ZC3H12D: variants seen among roughly 807,000 people sequenced by gnomAD.
ZC3H12D encodes zinc finger CCCH-type containing 12D, also known as probable ribonuclease ZC3H12D.
ZC3H12D carries 11 observed loss-of-function variants against 24.2 expected under a neutral mutation model. The observed-to-expected ratio is 0.46, with a 90% CI of 0.29 to 0.75. The LOEUF (loss-of-function observed/expected upper bound fraction) is 0.75, where lower values mean the gene tolerates loss of function less well. ZC3H12D is among the 30% of genes least tolerant of loss of function. The pLI is 0.11. For synonymous variants in ZC3H12D, 333 were observed against 341.8 expected (o/e 0.97, Z 0.28); for missense variants, 740 against 767.7 (o/e 0.96, Z 0.43).
Position 149,482,448 on chromosome 6 carries a change from G to T in ZC3H12D, c.-71+2365C>A, listed in dbSNP as rs568285094. Among the ~76,000 whole-genome samples, 3 of 152,344 alleles carry T rather than the reference G, an allele frequency of 2.0e-5. No homozygotes were observed. The East Asian group carries it at 5.8e-4, about 29-fold the overall frequency. Reference sequence around the variant, plus strand: ...AAGTCACACTCTGTCCAGATGATTAGCGACAACACTTAGAAAATCCTCCAA... The same window carrying T: ...AAGTCACACTCTGTCCAGATGATTATCGACAACACTTAGAAAATCCTCCAA... On this transcript the variant is annotated intron_variant, in intron 1 of 5. Coordinates refer to ENST00000409806, the MANE Select transcript of ZC3H12D (RefSeq NM_207360.3).
intron 2 of ZC3H12D, among the ~76,000 whole-genome samples, chr6:149,465,790 C>T (rs1182047338): frequency 6.6e-6 from 1 of 150,776 alleles, no homozygotes; most frequent in African/African-American, 2.4e-5. Flanking sequence ...GGAAGCAGAT[C>T]GCTGGTCCTT....
intron 1 of ZC3H12D, among the ~76,000 whole-genome samples, chr6:149,476,819 T>C (rs867636798): frequency 2.7e-5 from 4 of 148,886 alleles, no homozygotes; most frequent in Admixed American, 2.0e-4. Flanking sequence ...AAAAATAGAA[T>C]AGAATAGAAT....
chr6:149,463,955 A>C (rs408451), intron 2 of ZC3H12D, among the ~76,000 whole-genome samples: 55,305 of 152,022 alleles, frequency 0.36, 10,583 homozygotes, highest in African/African-American at 0.46. Context: ...TTTTAGACAC[A>C]TATTGAGCTG....
Position 149,484,608 on chromosome 6 carries a change from G to A in ZC3H12D, c.-71+205C>T, listed in dbSNP as rs151144681. Among the ~76,000 whole-genome samples, 455 of 152,294 alleles carry A rather than the reference G, an allele frequency of 3.0e-3. 2 individuals are homozygous for A. Among genetic ancestry groups the A allele is most frequent in the Middle Eastern group, 0.02 (6 of 294 alleles). On this transcript the variant is annotated intron_variant, in intron 1 of 5. Coordinates refer to ENST00000409806, the MANE Select transcript of ZC3H12D (RefSeq NM_207360.3). Reference sequence around the variant, plus strand: ...TTTCACCTAAATGAAATTAAAGAGGGTTATCTTATTTTTTTTATTTAGCAC... The same window carrying A: ...TTTCACCTAAATGAAATTAAAGAGGATTATCTTATTTTTTTTATTTAGCAC...
chr6:149,459,509 A>G, intron 3 of ZC3H12D: 1 of 704,360 alleles, frequency 1.4e-6, no homozygotes, highest in Non-Finnish European at 2.6e-6. Flanking sequence ...GAATATGCGC[A>G]GAAGGCTGGA....
intron 1 of ZC3H12D, among the ~76,000 whole-genome samples, chr6:149,476,664 G>A (rs1012367974): frequency 6.6e-6 from 1 of 151,876 alleles, no homozygotes; most frequent in Non-Finnish European, 1.5e-5. Context: ...AAAAATTAGC[G>A]GGGCATGGTG....
In ZC3H12D at chr6:149,452,023, G is replaced by A. The variant is rs1007406353; in HGVS notation, c.788-544C>T. The A allele has an allele frequency of 2.6e-5, 4 of 153,102 alleles. No homozygotes were observed. The highest frequency in any genetic ancestry group is 9.6e-5 in the African/African-American group (4 of 41,468). The allele number at this position is 153,102 out of a possible 1,614,324, so 9.5% of individuals were successfully genotyped here. On this transcript the variant is annotated intron_variant, in intron 5 of 5. Coordinates refer to ENST00000409806, the MANE Select transcript of ZC3H12D (RefSeq NM_207360.3). This position sits in a 1 kb window ranked among gnomAD's most constrained non-coding sequence, Gnocchi z 4.0. ...GTCAAGTGTTACTATCCAAACCCAA[G>A]GCTTCTGAGAGTGAAAGGGGGAAGG... is the stretch of plus-strand genomic sequence containing the variant.
chr6:149,479,499 A>G (rs1159474741), intron 1 of ZC3H12D, among the ~76,000 whole-genome samples: 2 of 152,232 alleles, frequency 1.3e-5, no homozygotes, highest in Non-Finnish European at 2.9e-5. Flanking sequence ...GATGTTATTC[A>G]GAGCAGTCAC....
intron 3 of ZC3H12D, chr6:149,459,812 C>A: frequency 1.5e-6 from 1 of 677,860 alleles, no homozygotes; most frequent in East Asian, 2.7e-5. Context: ...CCTGCCTGCT[C>A]CATGCCAGGT....
intron 1 of ZC3H12D, among the ~76,000 whole-genome samples, chr6:149,483,408 T>C (rs1776454554): frequency 6.6e-6 from 1 of 152,206 alleles, no homozygotes; most frequent in South Asian, 2.1e-4. Flanking sequence ...TTCAGACTGC[T>C]GTGCAACCAT....
intron 2 of ZC3H12D, among the ~76,000 whole-genome samples, chr6:149,463,208 G>A (rs602094): frequency 0.36 from 55,315 of 151,950 alleles, 10,593 homozygotes; most frequent in African/African-American, 0.46. Context: ...TGTGTTATTG[G>A]GTTTCCCAAG....
intron 3 of ZC3H12D, chr6:149,459,802 C>T: frequency 1.5e-6 from 1 of 686,394 alleles, no homozygotes; most frequent in Non-Finnish European, 2.7e-6. Context: ...CGCCAGGCTG[C>T]CTGCCTGCTC....
intron 4 of ZC3H12D, among the ~76,000 whole-genome samples, chr6:149,454,252 A>T (rs962701157): frequency 1.3e-5 from 2 of 152,218 alleles, no homozygotes; most frequent in African/African-American, 4.8e-5. Context: ...CAGAAGGAAA[A>T]CGCCCCTCGC....
In ZC3H12D at chr6:149,474,343, C is replaced by T. The variant is rs1350576074; in HGVS notation, c.201G>A (p.Pro67=). 44 of 1,605,370 alleles carry T rather than the reference C, an allele frequency of 2.7e-5. No homozygotes were observed. The highest frequency in any genetic ancestry group is 5.3e-5 in the African/African-American group (4 of 74,774). ...RLVPRGSCGV[P]DSAQRGPGTA... ...TCCCCGGGCCACGCTGGGCAGAGTCCGGGACCCCACAGGAGCCCCGAGGCA... is the reference window on the plus strand; with the variant it reads ...TCCCCGGGCCACGCTGGGCAGAGTCTGGGACCCCACAGGAGCCCCGAGGCA... The change falls in exon 2 of 6, where the codon CCG becomes CCA. Residue 67 remains proline, a synonymous_variant. Coordinates refer to ENST00000409806, the MANE Select transcript of ZC3H12D (RefSeq NM_207360.3).
intron 2 of ZC3H12D, among the ~76,000 whole-genome samples, chr6:149,467,737 C>G (rs1583189368): frequency 1.3e-5 from 2 of 152,282 alleles, no homozygotes; most frequent in South Asian, 2.1e-4. Context: ...CAAAGCCTGA[C>G]CCCTTAGGCT....
At chr6:149,460,830 CAAA>C (rs368479598) in intron 3 of ZC3H12D, among the ~76,000 whole-genome samples, 1 of 124,954 alleles carries the variant, frequency 8.0e-6, no homozygotes. Flanking sequence ...AACTCCATGT[CAAA>C]AAAAAAAAAG....
rs2115000384 is a variant in ZC3H12D, at chr6:149,451,190, C to T, written c.1077G>A (p.Gly359=). The change falls in exon 6 of 6, where the codon GGG becomes GGA. Residue 359 remains glycine (G), a synonymous_variant. Transcript: ENST00000409806. ...LAFSDDLGPL[G]PPLPVPACSL... ...TGCAGGCGGGGACCGGGAGAGGCGG[C>T]CCCAGGGGCCCCAGGTCGTCGCTGA... The T allele has an allele frequency of 7.7e-7, 1 of 1,306,192 alleles. No homozygotes were observed. The allele number at this position is 1,306,192 out of a possible 1,614,324, so 80.9% of individuals were successfully genotyped here. A position where few individuals can be genotyped will look rare whatever the true frequency, so the allele number is the denominator to read the frequency against.
intron 5 of ZC3H12D, 53 bp from the exon 6 acceptor site, chr6:149,451,532 G>A (rs897848700): frequency 1.3e-4 from 184 of 1,458,350 alleles, no homozygotes; most frequent in Non-Finnish European, 1.6e-4. Flanking sequence ...GGGCGCGGAG[G>A]GGCGGTGGTT....
intron 2 of ZC3H12D, among the ~76,000 whole-genome samples, chr6:149,466,825 G>A (rs939784269): frequency 4.0e-5 from 6 of 151,852 alleles, no homozygotes; most frequent in African/African-American, 1.2e-4. Flanking sequence ...TCAGTGAGCC[G>A]AGATCAAGCC....
Sources: gnomAD v4.1 joint callset for allele counts (sites outside exome capture counted in the v4.1 genomes callset) on GRCh38, gnomAD v4.1.1 for gene constraint, Gnocchi (gnomAD v3.1) non-coding constraint, MANE v1.5 for transcripts, NCBI Gene and HGNC (gene_info 2026-07-23, HGNC 2026-07-21) for gene names.